Variants in ADRA1A observed in about 807,000 individuals in gnomAD.
ADRA1A encodes the protein adrenoceptor alpha 1A.
Under a neutral mutation model 29.6 loss-of-function variants are expected in ADRA1A, and 31 were observed. The observed-to-expected ratio is 1.05, with a 90% CI of 0.79 to 1.41. The LOEUF is 1.41. Ranked by LOEUF, ADRA1A falls within the 40% of genes most tolerant of loss-of-function variation. The pLI, the probability that ADRA1A is intolerant of heterozygous loss-of-function variation, is 0.00. For synonymous variants in ADRA1A, 311 were observed against 254.3 expected, an observed-to-expected ratio of 1.22 and a Z score of -2.12; for missense variants, 619 against 601.1, an observed-to-expected ratio of 1.03 and a Z score of -0.31.
intron 2 of ADRA1A, among the ~76,000 whole-genome samples, chr8:26,781,058 C>T (rs985387986): frequency 9.2e-5 from 14 of 152,214 alleles, no homozygotes; most frequent in Admixed American, 2.0e-4. Flanking sequence ...CTGAAACCAT[C>T]CTCCCATCTC....
Position 26,859,233 on chromosome 8 carries a change from T to G in ADRA1A, c.883+4854A>C, listed in dbSNP as rs34669936. 7.3e-4 allele frequency: 894 copies of G among 1,232,986 alleles called. 15 individuals are homozygous for G. The East Asian group carries it at 0.039, about 53-fold the overall frequency. The allele number at this position is 1,232,986 out of a possible 1,614,324, so 76.4% of individuals were successfully genotyped here. A position where few individuals can be genotyped will look rare whatever the true frequency, so the allele number is the denominator to read the frequency against. On this transcript the variant is annotated intron_variant, in intron 2 of 2. Transcript: ENST00000380573. ...TGAATATAATAATATGATAGTATAT[T>G]TATTCTTCTGCTCACATTTTGCATG...
chr8:26,826,877 A>C (rs1810611459), intron 2 of ADRA1A, among the ~76,000 whole-genome samples: 1 of 152,250 alleles, frequency 6.6e-6, no homozygotes, highest in Non-Finnish European at 1.5e-5. Context: ...TAGATTCAAG[A>C]GATAATCTCA....
Position 26,769,331 on chromosome 8 carries a change from C to T in ADRA1A, c.*818G>A, listed in dbSNP as rs1045934642. The T allele has an allele frequency of 4.2e-5, 41 of 985,174 alleles. 1 individual carries two copies. Among genetic ancestry groups the T allele is most frequent in the Admixed American group, 6.2e-5 (1 of 16,258 alleles). The allele number at this position is 985,174 out of a possible 1,614,324, so 61.0% of individuals were successfully genotyped here. A position where few individuals can be genotyped will look rare whatever the true frequency, so the allele number is the denominator to read the frequency against. On this transcript the variant is annotated 3_prime_UTR_variant, in exon 3 of 3. Transcript: ENST00000380573. ...TCTTTAAAGATATTAGAGAGAAAGC[C>T]TATCATCATCTGATCTTGGAACTGT...
intron 2 of ADRA1A, chr8:26,771,706 G>A (rs985562094): frequency 6.6e-6 from 1 of 152,446 alleles, no homozygotes; most frequent in East Asian, 1.9e-4. Flanking sequence ...GCCCTTCTGA[G>A]CTGAGGCTGC....
At position 26,770,474 on chromosome 8, in the gene ADRA1A, G is replaced by A; in HGVS notation, c.1076C>T (p.Thr359Ile). The A allele has an allele frequency of 6.2e-7, 1 of 1,614,210 alleles. No individual in the cohort carries two copies. The change falls in exon 3 of 3, where the codon ACC (threonine) becomes ATC (isoleucine). Residue 359 changes from threonine to isoleucine, a missense_variant. Transcript: ENST00000380573. Reference protein sequence around the residue: ...KQSSKHALGYTLHPPSQAVEG... With the variant: ...KQSSKHALGYILHPPSQAVEG... The stretch of plus-strand genomic sequence containing the variant: ...CACGGCCTGGCTGGGCGGGTGCAGG[G>A]TGTAGCCCAGGGCATGTTTGGAAGA...
intron 2 of ADRA1A, among the ~76,000 whole-genome samples, chr8:26,835,566 A>G (rs1483591178): frequency 6.6e-6 from 1 of 152,166 alleles, no homozygotes; most frequent in Middle Eastern, 3.2e-3. Context: ...TAAAACCATC[A>G]GATCTTGTGA....
intron 2 of ADRA1A, among the ~76,000 whole-genome samples, chr8:26,856,456 T>C (rs1813054928): frequency 6.6e-6 from 1 of 152,246 alleles, no homozygotes; most frequent in Admixed American, 6.5e-5. Flanking sequence ...ATAATGGCTA[T>C]AAAGCCTTGT....
intron 2 of ADRA1A, among the ~76,000 whole-genome samples, chr8:26,843,744 T>C (rs879604386): frequency 5.3e-5 from 8 of 152,194 alleles, no homozygotes; most frequent in Non-Finnish European, 1.0e-4. Flanking sequence ...GCTGGGCATT[T>C]TCATCTTAAG....
intron 2 of ADRA1A, among the ~76,000 whole-genome samples, chr8:26,750,797 C>T (rs987659895): frequency 3.9e-5 from 6 of 152,184 alleles, no homozygotes; most frequent in Non-Finnish European, 8.8e-5. Context: ...AGGCTGGGTG[C>T]AGTGGCTCAC....
chr8:26,776,546 C>T (rs938939571), intron 2 of ADRA1A, among the ~76,000 whole-genome samples: 8 of 152,196 alleles, frequency 5.3e-5, no homozygotes, highest in Non-Finnish European at 1.0e-4. Context: ...CCCCAAATCA[C>T]ACAGCTGGAC....
In ADRA1A at chr8:26,760,124, T is replaced by C. The variant is rs1805423471; in HGVS notation, c.1270-3345A>G. ...CAGTCCTGATTCTTCCAAATGAGGA[T>C]AAATGCTCCTCGCTTCTCAGCAGGA... On this transcript the variant is annotated intron_variant, in intron 2 of 2. Transcript: ENST00000380582. Among the ~76,000 whole-genome samples, 3 of 152,208 alleles carry C rather than the reference T, an allele frequency of 2.0e-5. No individual in the cohort carries two copies. The South Asian group carries it at 6.2e-4, about 31-fold the overall frequency.
In ADRA1A at chr8:26,812,114, T is replaced by G. The variant is rs139671053; in HGVS notation, c.884-41448A>C. 9.9e-5 allele frequency among the ~76,000 whole-genome samples: 15 copies of G among 152,260 alleles called. No individual in the cohort carries two copies. The East Asian group carries it at 2.7e-3, about 27-fold the overall frequency. On this transcript the variant is annotated intron_variant, in intron 2 of 2. Transcript: ENST00000380573. ...TTTCTAGCTTGGAAGACGAAGACAA[T>G]GAGATCTAATGAAATGAGAGGCTGA...
At chr8:26,766,822 A>G (rs1805817858), downstream of ADRA1A, among the ~76,000 whole-genome samples, 1 of 152,166 alleles carries the variant, frequency 6.6e-6, no homozygotes, top group Non-Finnish European at 1.5e-5. Flanking sequence ...CAATGGGTGC[A>G]AAATTCCCTG....
Position 26,821,027 on chromosome 8 carries a change from A to T in ADRA1A, c.883+43060T>A, listed in dbSNP as rs1810134849. Among the ~76,000 whole-genome samples, 1 of 152,014 alleles carries T rather than the reference A, an allele frequency of 6.6e-6. No individual in the cohort carries two copies. The highest frequency in any genetic ancestry group is 1.5e-5 in the Non-Finnish European group (1 of 67,992). On this transcript the variant is annotated intron_variant, in intron 2 of 2. Coordinates refer to ENST00000380573, the MANE Select transcript of ADRA1A (RefSeq NM_000680.4). The surrounding 1 kb of genome is among the most constrained non-coding windows in gnomAD (Gnocchi z 5.6). ...GCCTCAGCCTCCTAGAGTAGCTAGG[A>T]TTACAGGCAGGTGCCACCACACCTG...
exon 3 of ADRA1A, chr8:26,748,596 G>A (rs566500446): frequency 1.2e-5 from 5 of 418,900 alleles, no homozygotes; most frequent in South Asian, 8.6e-5. Flanking sequence ...AAAATTAGCT[G>A]GGCCTGGTGG....
rs1305250932 is a variant in ADRA1A, at chr8:26,864,637, G to A, written c.333C>T (p.Thr111=). ...TGATGCAGAGGCCCATGATGGACGC[G>A]GTGCAGCACAGCACATCCACTGCCG... The part of the protein sequence containing the change: ...IWAAVDVLCC[T]ASIMGLCIIS... Residue 111 remains threonine (T), a synonymous_variant, in exon 2 of 3, where the codon ACC becomes ACT. Coordinates refer to ENST00000380573, the MANE Select transcript of ADRA1A (RefSeq NM_000680.4). This position sits in a 1 kb window ranked among gnomAD's most constrained non-coding sequence, Gnocchi z 8.1. The A allele has an allele frequency of 1.9e-6, 3 of 1,613,994 alleles. No individual in the cohort carries two copies.
chr8:26,769,084 A>G lies in ADRA1A; in HGVS notation c.*1065T>C, dbSNP rs17055962. 0.068 allele frequency: 66,896 copies of G among 985,382 alleles called. 2,373 individuals carry two copies. Among genetic ancestry groups the G allele is most frequent in the Middle Eastern group, 0.086 (165 of 1,914 alleles). The allele number at this position is 985,382 out of a possible 1,614,324, so 61.0% of individuals were successfully genotyped here. A position where few individuals can be genotyped will look rare whatever the true frequency, so the allele number is the denominator to read the frequency against. ...CATAAGGCTCATTCCAACATGCCACAGGTGAAGCTCATTCATTATGCAATA... is the reference window on the plus strand; with the variant it reads ...CATAAGGCTCATTCCAACATGCCACGGGTGAAGCTCATTCATTATGCAATA... On this transcript the variant is annotated 3_prime_UTR_variant, in exon 3 of 3. Transcript: ENST00000380573.
At position 26,860,101 on chromosome 8, in the gene ADRA1A, G is replaced by A. The variant is rs994238122; in HGVS notation, c.883+3986C>T. Among the ~76,000 whole-genome samples the A allele has an allele frequency of 1.3e-5, 2 of 152,004 alleles. No individual in the cohort carries two copies. The highest frequency in any genetic ancestry group is 2.4e-5 in the African/African-American group (1 of 41,370). ...GATTTAAAAGAAGCCCAGTGATTCC[G>A]AGGGCTCCTGTCTACCACCACTTCT... On this transcript the variant is annotated intron_variant, in intron 2 of 2. Coordinates refer to ENST00000380573, the MANE Select transcript of ADRA1A (RefSeq NM_000680.4). The surrounding 1 kb of genome is among the most constrained non-coding windows in gnomAD (Gnocchi z 4.7).
intron 2 of ADRA1A, among the ~76,000 whole-genome samples, chr8:26,813,384 A>C (rs981215906): frequency 2.0e-5 from 3 of 152,186 alleles, no homozygotes; most frequent in African/African-American, 7.2e-5. Flanking sequence ...CCACTCATCT[A>C]ACTTTCTGCC....
Sources: gnomAD v4.1 joint callset for allele counts (sites outside exome capture counted in the v4.1 genomes callset) on GRCh38, gnomAD v4.1.1 for gene constraint, Gnocchi (gnomAD v3.1) non-coding constraint, MANE v1.5 for transcripts, NCBI Gene and HGNC (gene_info 2026-07-23, HGNC 2026-07-21) for gene names.